Variants in PLEKHG4B observed in about 807,000 individuals in gnomAD.
PLEKHG4B encodes the protein pleckstrin homology and RhoGEF domain containing G4B, also known as pleckstrin homology domain-containing family G member 4B.
Under a neutral mutation model 121.3 loss-of-function variants are expected in PLEKHG4B, and 111 were observed. The observed-to-expected ratio is 0.92, with a 90% CI of 0.78 to 1.07. The LOEUF is 1.07. Among genes scored for constraint, PLEKHG4B ranks in the 50% least tolerant of loss-of-function variants. PLEKHG4B has a pLI of 0.00. For missense variants in PLEKHG4B, 1,831 were observed against 1,757.8 expected, an observed-to-expected ratio of 1.04 and a Z score of -0.74; for synonymous variants, 738 against 725.0, an observed-to-expected ratio of 1.02 and a Z score of -0.29.
chr5:132,623 A>T (rs972449125), intron 2 of PLEKHG4B, among the ~76,000 whole-genome samples: 1 of 152,192 alleles, frequency 6.6e-6, no homozygotes, highest in Admixed American at 6.6e-5. Context: ...CTAGCCGATT[A>T]TCCCAGCACT....
intron 13 of PLEKHG4B, among the ~76,000 whole-genome samples, chr5:168,518 A>G (rs1022304445): frequency 1.3e-5 from 2 of 152,262 alleles, no homozygotes; most frequent in East Asian, 3.9e-4. Flanking sequence ...TTTCTCACGA[A>G]ATTTCCACCA....
Position 175,954 on chromosome 5 carries a change from G to A in PLEKHG4B, c.4402+1856G>A, listed in dbSNP as rs1170602193. On this transcript the variant is annotated intron_variant, in intron 18 of 19. Coordinates refer to ENST00000637938, the MANE Select transcript of PLEKHG4B (RefSeq NM_052909.5). ...CAGGGCTCCTGCACGGCTGCACCCC[G>A]CCTGAGCCCTGACCCCTCCAGGCAG... Among the ~76,000 whole-genome samples, 21 of 68,788 alleles carry A rather than the reference G, an allele frequency of 3.1e-4. 1 individual carries two copies. The South Asian group carries it at 0.012, about 41-fold the overall frequency. The allele number at this position is 68,788 out of a possible 152,430, so 45.1% of individuals were successfully genotyped here. A position where few individuals can be genotyped will look rare whatever the true frequency, so the allele number is the denominator to read the frequency against.
chr5:143,032 C>G lies in PLEKHG4B; in HGVS notation c.1478-15C>G. On this transcript the variant is annotated splice_polypyrimidine_tract_variant and intron_variant, in intron 3 of 19. Coordinates refer to ENST00000637938, the MANE Select transcript of PLEKHG4B (RefSeq NM_052909.5). ...AAAACCTTCATCTTTGACACGGCCT[C>G]TTTCCTTTGTCCAGACGTTCTTGCA... The G allele has an allele frequency of 1.2e-6, 2 of 1,611,412 alleles. No individual in the cohort carries two copies. The highest frequency in any genetic ancestry group is 3.3e-4 in the Middle Eastern group (2 of 6,054).
intron 1 of PLEKHG4B, among the ~76,000 whole-genome samples, chr5:107,598 C>CT (rs533131284): frequency 1.8e-3 from 274 of 152,360 alleles, no homozygotes; most frequent in African/African-American, 6.3e-3. Flanking sequence ...CAGGGCGCTG[C>CT]TGAGGGCTCA....
chr5:155,308 G>A (rs747305318), intron 8 of PLEKHG4B, 37 bp from the exon 9 acceptor site: 4 of 1,542,722 alleles, frequency 2.6e-6, no homozygotes, highest in Non-Finnish European at 2.7e-6. Flanking sequence ...TTAACAGACT[G>A]TGTTCTTATA....
Position 140,255 on chromosome 5 carries a change from C to G in PLEKHG4B, c.1016C>G (p.Pro339Arg). ...DLGIPSSRRR[P>R]PGDPTCVQPR... Reference sequence around the variant, plus strand: ...GGCATCCCGAGCAGCAGGAGGCGGCCGCCGGGGGACCCCACTTGTGTGCAG... The same window carrying G: ...GGCATCCCGAGCAGCAGGAGGCGGCGGCCGGGGGACCCCACTTGTGTGCAG... Residue 339 changes from proline to arginine, a missense_variant, in exon 3 of 20, where the codon CCG becomes CGG. Coordinates refer to ENST00000637938, the MANE Select transcript of PLEKHG4B (RefSeq NM_052909.5). 1.4e-6 allele frequency: 2 copies of G among 1,452,908 alleles called. No homozygotes were observed. Among genetic ancestry groups the G allele is most frequent in the Non-Finnish European group, 1.8e-6 (2 of 1,100,932 alleles). 90.0% of individuals were successfully genotyped at this position (1,452,908 alleles called of 1,614,324 possible).
At position 186,311 on chromosome 5, in the gene PLEKHG4B, A is replaced by G. The variant is rs1202993796; in HGVS notation, c.*3988A>G. ...GCAGGGTTAGGAAACACCTGTTTCC[A>G]GGCAGAGTAATGCTTCTGTCTGAAT... is the stretch of plus-strand genomic sequence containing the variant. On this transcript the variant is annotated 3_prime_UTR_variant, in exon 20 of 20. Transcript: ENST00000637938. 1 of 152,234 alleles carries G rather than the reference A, an allele frequency of 6.6e-6. No homozygotes were observed. The highest frequency in any genetic ancestry group is 1.5e-5 in the Non-Finnish European group (1 of 68,042). 9.4% of individuals were successfully genotyped at this position (152,234 alleles called of 1,614,324 possible).
At chr5:148,395 G>T (rs1166966308) in intron 6 of PLEKHG4B, among the ~76,000 whole-genome samples, 1 of 151,260 alleles carries the variant, frequency 6.6e-6, no homozygotes, top group African/African-American at 2.4e-5. Flanking sequence ...GTAGCAGGAT[G>T]CAAAGTCAAC....
At chr5:126,859 G>A (rs1734630017) in intron 2 of PLEKHG4B, among the ~76,000 whole-genome samples, 1 of 152,184 alleles carries the variant, frequency 6.6e-6, no homozygotes, top group African/African-American at 2.4e-5. Flanking sequence ...AGGGAAATCT[G>A]GCCTGCGGCA....
chr5:139,997 G>A lies in PLEKHG4B; in HGVS notation c.758G>A (p.Cys253Tyr). ...TGCCCCGACACCCTGACCTCACCCT[G>A]CCGCCGAGGGCATACGGGCAGCGAC... Reference protein sequence around the residue: ...ASCPDTLTSPCRRGHTGSDQL... With the variant: ...ASCPDTLTSPYRRGHTGSDQL... Residue 253 changes from cysteine (C) to tyrosine (Y), a missense_variant, in exon 3 of 20, where the codon TGC becomes TAC. Cys to Tyr is a radical substitution (Grantham distance 194, BLOSUM62 -2). Transcript: ENST00000637938. This position sits in a 1 kb window ranked among gnomAD's most constrained non-coding sequence, Gnocchi z 5.0. 4.9e-6 allele frequency: 2 copies of A among 410,238 alleles called. No individual in the cohort carries two copies. Among genetic ancestry groups the A allele is most frequent in the Non-Finnish European group, 8.6e-6 (2 of 232,700 alleles). 25.4% of individuals were successfully genotyped at this position (410,238 alleles called of 1,614,324 possible). A position where few individuals can be genotyped will look rare whatever the true frequency, so the allele number is the denominator to read the frequency against.
intron 11 of PLEKHG4B, among the ~76,000 whole-genome samples, chr5:161,421 C>T (rs1223642358): frequency 6.6e-6 from 1 of 152,246 alleles, no homozygotes; most frequent in Non-Finnish European, 1.5e-5. Context: ...TGCCACCTCT[C>T]ATCAGTCGTG....
chr5:97,836 C>G (rs1733674784), intron 1 of PLEKHG4B, among the ~76,000 whole-genome samples: 1 of 152,120 alleles, frequency 6.6e-6, no homozygotes, highest in South Asian at 2.1e-4. Flanking sequence ...TGTCACAGTT[C>G]TGTGTAACTT....
At chr5:110,616 C>T (rs182786301) in intron 1 of PLEKHG4B, among the ~76,000 whole-genome samples, 214 of 149,546 alleles carry the variant, frequency 1.4e-3, no homozygotes, top group Non-Finnish European at 2.5e-3. Context: ...GTGCACACAC[C>T]GGCCACTCTG....
Position 174,060 on chromosome 5 carries a change from T to C in PLEKHG4B, c.4364T>C (p.Ile1455Thr), listed in dbSNP as rs1457901113. ...GTCAAGAGTGCATGGACCGATGTCA[T>C]AGGGAGGATCCTGTGGCGGCAGGCA... ...AEVKSAWTDV[I>T]GRILWRQALK... The change falls in exon 18 of 20, where the codon ATA (isoleucine) becomes ACA (threonine). Residue 1455 changes from isoleucine (I) to threonine (T), a missense_variant. Ile to Thr is a moderately conservative substitution (Grantham distance 89). Coordinates refer to ENST00000637938, the MANE Select transcript of PLEKHG4B (RefSeq NM_052909.5). 4 of 1,595,516 alleles carry C rather than the reference T, an allele frequency of 2.5e-6. No homozygotes were observed. The highest frequency in any genetic ancestry group is 1.4e-5 in the African/African-American group (1 of 73,856).
At position 156,285 on chromosome 5, in the gene PLEKHG4B, G is replaced by C; in HGVS notation, c.2348+75G>C. 7.6e-7 allele frequency: 1 copy of C among 1,310,042 alleles called. No homozygotes were observed. The highest frequency in any genetic ancestry group is 9.8e-7 in the Non-Finnish European group (1 of 1,017,924). 81.2% of individuals were successfully genotyped at this position (1,310,042 alleles called of 1,614,324 possible). Reference sequence around the variant, plus strand: ...CTCGGGGGAGTTTGCACCAGGAGGCGTAGCGCTCTGCTCCAAGGAGAGCCC... The same window carrying C: ...CTCGGGGGAGTTTGCACCAGGAGGCCTAGCGCTCTGCTCCAAGGAGAGCCC... On this transcript the variant is annotated intron_variant, in intron 10 of 19. Coordinates refer to ENST00000637938, the MANE Select transcript of PLEKHG4B (RefSeq NM_052909.5). This position sits in a 1 kb window ranked among gnomAD's most constrained non-coding sequence, Gnocchi z 4.4.
chr5:100,067 A>G (rs1219025602), intron 1 of PLEKHG4B, among the ~76,000 whole-genome samples: 2 of 152,126 alleles, frequency 1.3e-5, no homozygotes, highest in Non-Finnish European at 2.9e-5. Flanking sequence ...TTCCAGGAAT[A>G]ATTACCACTT....
At chr5:122,210 T>C (rs995664915) in intron 2 of PLEKHG4B, among the ~76,000 whole-genome samples, 1 of 151,714 alleles carries the variant, frequency 6.6e-6, no homozygotes, top group Admixed American at 6.6e-5. Context: ...AAATAGAGGA[T>C]GAAAGGAAGA....
chr5:121,839 A>G (rs1015322189), intron 2 of PLEKHG4B, among the ~76,000 whole-genome samples: 3 of 152,030 alleles, frequency 2.0e-5, no homozygotes, highest in African/African-American at 7.3e-5. Context: ...AGAGGTGAAT[A>G]AAAGAAATGC....
chr5:172,401 A>AT (rs1736588290), intron 16 of PLEKHG4B, among the ~76,000 whole-genome samples: 1 of 152,058 alleles, frequency 6.6e-6, no homozygotes. Flanking sequence ...GCTTGAAGGG[A>AT]TTTCTGTGGG....
Sources: allele counts gnomAD v4.1 joint callset (sites outside exome capture counted in the v4.1 genomes callset), GRCh38; gene constraint gnomAD v4.1.1; non-coding constraint Gnocchi (gnomAD v3.1); transcripts MANE v1.5; gene names NCBI Gene and HGNC (gene_info 2026-07-23, HGNC 2026-07-21).